The following DSG1 variants were observed in gnomAD, a reference collection of about 807,000 sequenced individuals.
The protein encoded by DSG1 is desmoglein 1.
A neutral mutation model predicts 97.5 loss-of-function variants in DSG1; 39 were observed. That is an observed-to-expected ratio of 0.40 (90% CI 0.31 to 0.52). The LOEUF is 0.52. Ranked by LOEUF, DSG1 falls within the 20% of genes least tolerant of loss-of-function variation. The pLI is 0.53. For missense variants in DSG1, 1,311 were observed against 1,295.4 expected, an observed-to-expected ratio of 1.01 and a Z score of -0.18; for synonymous variants, 475 against 443.4, an observed-to-expected ratio of 1.07 and a Z score of -0.90.
chr18:31,329,073 T>G lies in DSG1; in HGVS notation c.372+729T>G, dbSNP rs562802675. Among the ~76,000 whole-genome samples the G allele has an allele frequency of 1.8e-4, 28 of 152,204 alleles. No homozygotes were observed. The South Asian group carries it at 5.2e-3, about 28-fold the overall frequency. On this transcript the variant is annotated intron_variant, in intron 4 of 14. Coordinates refer to ENST00000257192, the MANE Select transcript of DSG1 (RefSeq NM_001942.4). The stretch of plus-strand genomic sequence containing the variant: ...TTCTCACTCGCCCAGCTCAGAAATG[T>G]TCTTCATTAAATCAAAAGCAGGATC...
chr18:31,354,380 C>T lies in DSG1; in HGVS notation c.2184C>T (p.Ser728=). Residue 728 remains serine, a synonymous_variant, in exon 15 of 15, where the codon TCC becomes TCT. Transcript: ENST00000257192. Reference sequence around the variant, plus strand: ...TATATGACATCGAAGGTGTAGGTTCCCCTGCTGGCTCTGTGGGTTGTTGTA... The same window carrying T: ...TATATGACATCGAAGGTGTAGGTTCTCCTGCTGGCTCTGTGGGTTGTTGTA... The part of the protein sequence containing the change: ...LLIYDIEGVG[S]PAGSVGCCSF... 2.5e-6 allele frequency: 4 copies of T among 1,614,178 alleles called. No homozygotes were observed. The highest frequency in any genetic ancestry group is 2.5e-6 in the Non-Finnish European group (3 of 1,180,036).
intron 4 of DSG1, among the ~76,000 whole-genome samples, chr18:31,328,657 T>C (rs1162094025): frequency 6.6e-6 from 1 of 152,158 alleles, no homozygotes; most frequent in Non-Finnish European, 1.5e-5. Flanking sequence ...GAATGTTACC[T>C]TATTTTAAGT....
At chr18:31,352,557 C>T (rs1278740272) in intron 14 of DSG1, among the ~76,000 whole-genome samples, 2 of 150,210 alleles carry the variant, frequency 1.3e-5, no homozygotes, top group Non-Finnish European at 2.9e-5. Flanking sequence ...TAATATCCTA[C>T]AGAGTGTTTT....
rs554990717 is a variant in DSG1, at chr18:31,318,729, T to TG, written c.48+381_48+382insG. Among the ~76,000 whole-genome samples, 316 of 117,526 alleles carry TG rather than the reference T, an allele frequency of 2.7e-3. 1 individual carries two copies. Among genetic ancestry groups the TG allele is most frequent in the South Asian group, 5.8e-3 (17 of 2,906 alleles). 77.1% of individuals were successfully genotyped at this position (117,526 alleles called of 152,430 possible). ...GTCTGGATTTTTAACCTGTTTTTTT[T>TG]TTTATTTTTTTTGTGTGTTTGGTGG... On this transcript the variant is annotated intron_variant, in intron 1 of 14. Transcript: ENST00000257192.
chr18:31,347,589 G>A (rs1430090021), intron 14 of DSG1: 1 of 152,150 alleles, frequency 6.6e-6, no homozygotes, highest in Non-Finnish European at 1.5e-5. Context: ...TTTCCTATAA[G>A]GTATTTCTGT....
intron 14 of DSG1, among the ~76,000 whole-genome samples, chr18:31,352,163 T>C (rs2071903014): frequency 1.3e-5 from 2 of 151,914 alleles, no homozygotes; most frequent in Non-Finnish European, 2.9e-5. Context: ...AAGGCAGGCC[T>C]GGTGGTGACA....
In DSG1 at chr18:31,354,440, G is replaced by T. The variant is rs1415023596; in HGVS notation, c.2244G>T (p.Leu748Phe). 3 of 1,614,138 alleles carry T rather than the reference G, an allele frequency of 1.9e-6. No individual in the cohort carries two copies. The Admixed American group carries it at 5.0e-5, about 27-fold the overall frequency. Residue 748 changes from leucine to phenylalanine, a missense_variant, in exon 15 of 15, where the codon TTG (leucine) becomes TTT (phenylalanine). Coordinates refer to ENST00000257192, the MANE Select transcript of DSG1 (RefSeq NM_001942.4). ...FIGEDLDDSF[L>F]DTLGPKFKKL... ...GAGAAGACCTGGATGACAGCTTCTT[G>T]GATACCCTGGGACCTAAATTTAAGA...
At position 31,336,243 on chromosome 18, in the gene DSG1, T is replaced by C. The variant is rs749642800; in HGVS notation, c.1006-111T>C. The C allele has an allele frequency of 6.5e-4, 580 of 896,496 alleles. 1 individual carries two copies. The highest frequency in any genetic ancestry group is 9.0e-4 in the Non-Finnish European group (543 of 600,042). The allele number at this position is 896,496 out of a possible 1,614,324, so 55.5% of individuals were successfully genotyped here. A position where few individuals can be genotyped will look rare whatever the true frequency, so the allele number is the denominator to read the frequency against. On this transcript the variant is annotated intron_variant, in intron 8 of 14. Transcript: ENST00000257192. ...TGGATTGTGTATTTGTGTGCATTTG[T>C]GTTTCATAAAAGAAAGATAATAAGT...
Position 31,358,794 on chromosome 18 carries a change from C to T in DSG1, c.*3448C>T, listed in dbSNP as rs1348018396. Among the ~76,000 whole-genome samples the T allele has an allele frequency of 6.6e-6, 1 of 151,834 alleles. No individual in the cohort carries two copies. The highest frequency in any genetic ancestry group is 2.4e-5 in the African/African-American group (1 of 41,354). ...TTTACAATTTCTGGATTTTTAAGAC[C>T]CATTTCACATTGCACTAGGATACAG... On this transcript the variant is annotated 3_prime_UTR_variant, in exon 15 of 15. Coordinates refer to ENST00000257192, the MANE Select transcript of DSG1 (RefSeq NM_001942.4).
chr18:31,354,741 C>T lies in DSG1; in HGVS notation c.2545C>T (p.Pro849Ser). ...TTACACCACCTCTGACACTCTGAAGCCCTCTGTGCACGTTCACGATAACCG... is the reference window on the plus strand; with the variant it reads ...TTACACCACCTCTGACACTCTGAAGTCCTCTGTGCACGTTCACGATAACCG... ...ESYTTSDTLKPSVHVHDNRPA... is the reference protein window; with the variant it reads ...ESYTTSDTLKSSVHVHDNRPA... The change falls in exon 15 of 15, where the codon CCC (proline) becomes TCC (serine). Residue 849 changes from proline (P) to serine (S), a missense_variant. Pro to Ser is a moderately conservative substitution (Grantham distance 74, BLOSUM62 -1). Around this residue, in one of 3 missense-constraint regions of DSG1, gnomAD observed 1,038 missense variants for 964.6 expected, o/e 1.08. Coordinates refer to ENST00000257192, the MANE Select transcript of DSG1 (RefSeq NM_001942.4). 2 of 1,614,156 alleles carry T rather than the reference C, an allele frequency of 1.2e-6. No homozygotes were observed. Among genetic ancestry groups the T allele is most frequent in the East Asian group, 2.2e-5 (1 of 44,872 alleles).
rs376331428 is a variant in DSG1 at position 31,336,511 on chromosome 18, G to A, written c.1163G>A (p.Gly388Asp). 8 of 1,613,838 alleles carry A rather than the reference G, an allele frequency of 5.0e-6. No homozygotes were observed. The highest frequency in any genetic ancestry group is 4.4e-5 in the South Asian group (4 of 91,076). Reference sequence around the variant, plus strand: ...ATTGAAGGCCCAGTGTTTCGTCCAGGTTCAAAGACATATGTTGTAACTGGT... The same window carrying A: ...ATTGAAGGCCCAGTGTTTCGTCCAGATTCAAAGACATATGTTGTAACTGGT... ...NVIEGPVFRP[G>D]SKTYVVTGNM... The change falls in exon 9 of 15, where the codon GGT becomes GAT. Residue 388 changes from glycine (G) to aspartate (D), a missense_variant. Physicochemically the swap from Gly to Asp is moderately conservative, Grantham distance 94. Transcript: ENST00000257192.
chr18:31,335,829 AATAG>A (rs1418251795), intron 8 of DSG1, among the ~76,000 whole-genome samples: 2 of 150,530 alleles, frequency 1.3e-5, no homozygotes, highest in Non-Finnish European at 3.0e-5. Flanking sequence ...TGTTGAAGAA[AATAG>A]ATTTATTTAT....
chr18:31,322,493 C>A (rs962565221), intron 1 of DSG1, among the ~76,000 whole-genome samples: 7 of 152,144 alleles, frequency 4.6e-5, no homozygotes, highest in African/African-American at 1.7e-4. Flanking sequence ...GTTGGATCCA[C>A]ATAATACACA....
In DSG1 at chr18:31,357,337, T is replaced by A. The variant is rs1262974709; in HGVS notation, c.*1991T>A. 2.0e-5 allele frequency among the ~76,000 whole-genome samples: 3 copies of A among 152,038 alleles called. No homozygotes were observed. The highest frequency in any genetic ancestry group is 2.0e-4 in the Admixed American group (3 of 15,262). The stretch of plus-strand genomic sequence containing the variant: ...TTTTTCTGACACTTAGGGGGCCACA[T>A]TAAGGATGGGTAATCTTTCCAGGAA... On this transcript the variant is annotated 3_prime_UTR_variant, in exon 15 of 15. Coordinates refer to ENST00000257192, the MANE Select transcript of DSG1 (RefSeq NM_001942.4).
chr18:31,338,428 A>G lies in DSG1; in HGVS notation c.1379A>G (p.Tyr460Cys). ...KEQYNMLGGK[Y>C]QGTILSIDDN... is the part of the protein sequence containing the mutation. ...CAGTACAATATGCTCGGAGGAAAAT[A>G]CCAAGGAACGATTCTCTCTATAGAT... is the stretch of plus-strand genomic sequence containing the variant. The change falls in exon 10 of 15, where the codon TAC (tyrosine) becomes TGC (cysteine). Residue 460 changes from tyrosine (Y) to cysteine (C), a missense_variant. This residue lies in a region of DSG1 where 1,038 missense variants were observed against 964.6 expected (regional missense o/e 1.08). Transcript: ENST00000257192. 6.2e-7 allele frequency: 1 copy of G among 1,613,660 alleles called. No homozygotes were observed. The highest frequency in any genetic ancestry group is 8.5e-7 in the Non-Finnish European group (1 of 1,179,674).
At chr18:31,346,931 G>A (rs552419978) in intron 14 of DSG1, among the ~76,000 whole-genome samples, 2 of 152,282 alleles carry the variant, frequency 1.3e-5, no homozygotes, top group South Asian at 2.1e-4. Flanking sequence ...TTGTAAGAAC[G>A]AGCTGTAGGT....
intron 4 of DSG1, among the ~76,000 whole-genome samples, chr18:31,329,284 C>A (rs1414986258): frequency 3.9e-5 from 6 of 151,920 alleles, no homozygotes; most frequent in Non-Finnish European, 8.8e-5. Context: ...ATAAAGAAAC[C>A]CTATTTTGCT....
chr18:31,356,799 T>C lies in DSG1; in HGVS notation c.*1453T>C, dbSNP rs2071962879. On this transcript the variant is annotated 3_prime_UTR_variant, in exon 15 of 15. Coordinates refer to ENST00000257192, the MANE Select transcript of DSG1 (RefSeq NM_001942.4). Reference sequence around the variant, plus strand: ...AATTATATAGTATAACATATTTTTCTAGTTTCAAAATTTAGTAATGTCCTA... The same window carrying C: ...AATTATATAGTATAACATATTTTTCCAGTTTCAAAATTTAGTAATGTCCTA... The C allele has an allele frequency of 1.3e-5, 2 of 152,202 alleles. No homozygotes were observed. Among genetic ancestry groups the C allele is most frequent in the Non-Finnish European group, 2.9e-5 (2 of 68,024 alleles). The allele number at this position is 152,202 out of a possible 1,614,324, so 9.4% of individuals were successfully genotyped here. A position where few individuals can be genotyped will look rare whatever the true frequency, so the allele number is the denominator to read the frequency against.
In DSG1 at chr18:31,331,883, T is replaced by C. The variant is rs533982805; in HGVS notation, c.684+16T>C. The C allele has an allele frequency of 5.6e-6, 9 of 1,609,328 alleles. No homozygotes were observed. Among genetic ancestry groups the C allele is most frequent in the Admixed American group, 1.7e-5 (1 of 59,908 alleles). ...AGACAGAGAGGTAATTCTTTTTCTTTAAGTGGGTTTTTGGTCTCAAAGGAA... is the reference window on the plus strand; with the variant it reads ...AGACAGAGAGGTAATTCTTTTTCTTCAAGTGGGTTTTTGGTCTCAAAGGAA... On this transcript the variant is annotated intron_variant, in intron 6 of 14. Transcript: ENST00000257192.
Sources: gnomAD v4.1 joint callset for allele counts (sites outside exome capture counted in the v4.1 genomes callset) on GRCh38, gnomAD v4.1.1 for gene constraint, gnomAD v4.1.1 regional missense constraint, MANE v1.5 for transcripts, NCBI Gene and HGNC (gene_info 2026-07-23, HGNC 2026-07-21) for gene names.